CNTN1: variants seen among roughly 807,000 people sequenced by gnomAD.
CNTN1 encodes the protein contactin 1.
A neutral mutation model predicts 126.4 loss-of-function variants in CNTN1; 38 were observed. The ratio of observed to expected loss-of-function variants is 0.30; its 90% CI spans 0.23 to 0.39. The LOEUF (loss-of-function observed/expected upper bound fraction) is 0.39. Among genes scored for constraint, CNTN1 ranks in the 10% least tolerant of loss-of-function variants. The pLI is 1.00. For synonymous variants in CNTN1, 413 were observed against 422.6 expected (o/e 0.98, Z 0.28); for missense variants, 1,009 against 1,248.4 (o/e 0.81, Z 2.89).
At chr12:40,994,522 A>C (rs931959703) in intron 17 of CNTN1, among the ~76,000 whole-genome samples, 3 of 152,140 alleles carry the variant, frequency 2.0e-5, no homozygotes, top group Non-Finnish European at 2.9e-5. Context: ...ATCATGCCAC[A>C]GTTTCTTTAT....
chr12:40,739,606 A>G (rs192048182), intron 1 of CNTN1, among the ~76,000 whole-genome samples: 2 of 152,158 alleles, frequency 1.3e-5, no homozygotes, highest in Admixed American at 1.3e-4. Context: ...CCCACTTGGG[A>G]GGGGATCTGG....
intron 1 of CNTN1, among the ~76,000 whole-genome samples, chr12:40,853,177 T>C (rs1942780577): frequency 6.6e-6 from 1 of 152,036 alleles, no homozygotes; most frequent in Admixed American, 6.6e-5. Flanking sequence ...TGTTACCAGA[T>C]ATGACAGGAC....
intron 1 of CNTN1, among the ~76,000 whole-genome samples, chr12:40,887,013 C>T (rs1198868638): frequency 6.6e-6 from 1 of 152,150 alleles, no homozygotes; most frequent in East Asian, 1.9e-4. Flanking sequence ...ATGCCTCTGG[C>T]TTTGTTCTTT....
At chr12:40,740,835 C>T (rs1013320694) in intron 1 of CNTN1, among the ~76,000 whole-genome samples, 2 of 152,100 alleles carry the variant, frequency 1.3e-5, no homozygotes, top group African/African-American at 4.8e-5. Context: ...CCTGCACACA[C>T]TCTCTTGCCT....
intron 14 of CNTN1, among the ~76,000 whole-genome samples, chr12:40,952,423 TA>T (rs1453146587): frequency 6.6e-6 from 1 of 152,078 alleles, no homozygotes; most frequent in African/African-American, 2.4e-5. Flanking sequence ...GCTAGACATT[TA>T]AAAAACATTC....
intron 1 of CNTN1, among the ~76,000 whole-genome samples, chr12:40,754,135 A>C (rs1938509626): frequency 1.3e-5 from 2 of 152,076 alleles, no homozygotes; most frequent in South Asian, 2.1e-4. Flanking sequence ...ATATAGGATA[A>C]ATTATAATAT....
chr12:40,723,893 A>G (rs1301035627), intron 1 of CNTN1, among the ~76,000 whole-genome samples: 6 of 152,148 alleles, frequency 3.9e-5, no homozygotes, highest in African/African-American at 1.4e-4. Flanking sequence ...ACTTTCATGG[A>G]CCCTAGACAC....
intron 1 of CNTN1, among the ~76,000 whole-genome samples, chr12:40,805,318 G>C (rs1940808404): frequency 6.6e-6 from 1 of 151,960 alleles, no homozygotes; most frequent in African/African-American, 2.4e-5. Flanking sequence ...TATTGTTCCA[G>C]AGTCCTTGGA....
chr12:40,735,146 A>C (rs1037972277), intron 1 of CNTN1, among the ~76,000 whole-genome samples: 2 of 152,144 alleles, frequency 1.3e-5, no homozygotes, highest in African/African-American at 4.8e-5. Flanking sequence ...TCAATACCAA[A>C]GAGTTCCACA....
At chr12:40,699,415 AAG>A (rs1264963173) in intron 1 of CNTN1, among the ~76,000 whole-genome samples, 1 of 152,218 alleles carries the variant, frequency 6.6e-6, no homozygotes, top group Non-Finnish European at 1.5e-5. Flanking sequence ...GAGTAAATAA[AAG>A]AGAGTTTTTT....
At chr12:40,736,789 A>G (rs969741401) in intron 1 of CNTN1, among the ~76,000 whole-genome samples, 3 of 152,134 alleles carry the variant, frequency 2.0e-5, no homozygotes, top group African/African-American at 7.2e-5. Flanking sequence ...AACAGAGCTA[A>G]TAAATCAACC....
intron 1 of CNTN1, among the ~76,000 whole-genome samples, chr12:40,724,007 G>T (rs2121229882): frequency 6.6e-6 from 1 of 152,100 alleles, no homozygotes; most frequent in East Asian, 1.9e-4. Flanking sequence ...TTCTGCCTTG[G>T]TATAAAGACT....
At chr12:40,736,489 T>G (rs1937688615) in intron 1 of CNTN1, among the ~76,000 whole-genome samples, 1 of 152,034 alleles carries the variant, frequency 6.6e-6, no homozygotes, top group Non-Finnish European at 1.5e-5. Context: ...GCTTCACTGA[T>G]CACAGTGAAA....
chr12:40,970,242 T>C (rs1947458721), intron 15 of CNTN1, among the ~76,000 whole-genome samples: 1 of 151,994 alleles, frequency 6.6e-6, no homozygotes, highest in African/African-American at 2.4e-5. Flanking sequence ...CAGCACCCCC[T>C]TTTCAGACTT....
chr12:40,888,053 T>C lies in CNTN1; in HGVS notation c.-76-20304T>C, dbSNP rs557836114. On this transcript the variant is annotated intron_variant, in intron 1 of 23. Transcript: ENST00000551295. ...GGAGGAGGGATAGCATTAGGAGATA[T>C]ACCTAATGCTAAATGACGAGTTAAT... is the stretch of plus-strand genomic sequence containing the variant. Among the ~76,000 whole-genome samples, 96 of 148,558 alleles carry C rather than the reference T, an allele frequency of 6.5e-4. 1 individual carries two copies. The highest frequency in any genetic ancestry group is 1.8e-3 in the South Asian group (8 of 4,434).
intron 15 of CNTN1, among the ~76,000 whole-genome samples, chr12:40,969,319 C>T (rs1451270489): frequency 6.6e-6 from 1 of 152,082 alleles, no homozygotes; most frequent in Non-Finnish European, 1.5e-5. Context: ...AACTCATCAT[C>T]GGTTTATGAA....
At chr12:41,032,308 CAGT>C (rs1949160600) in intron 23 of CNTN1, among the ~76,000 whole-genome samples, 1 of 147,470 alleles carries the variant, frequency 6.8e-6, no homozygotes, top group Non-Finnish European at 1.5e-5. Flanking sequence ...GTGGTGCTTG[CAGT>C]GAGCCGAAAT....
intron 23 of CNTN1, among the ~76,000 whole-genome samples, chr12:41,051,687 T>C (rs1949686561): frequency 6.6e-6 from 1 of 152,106 alleles, no homozygotes; most frequent in African/African-American, 2.4e-5. Flanking sequence ...GGTGAACCTA[T>C]AGAAGTGAGC....
intron 6 of CNTN1, among the ~76,000 whole-genome samples, chr12:40,927,158 G>A (rs1945724681): frequency 6.6e-6 from 1 of 152,008 alleles, no homozygotes; most frequent in South Asian, 2.1e-4. Flanking sequence ...ACCGATAAAA[G>A]CAACATTTCT....
Sources: allele counts gnomAD v4.1 joint callset (sites outside exome capture counted in the v4.1 genomes callset), GRCh38; gene constraint gnomAD v4.1.1; transcripts MANE v1.5; gene names NCBI Gene and HGNC (gene_info 2026-07-23, HGNC 2026-07-21).